PAQR7: variants seen among roughly 807,000 people sequenced by gnomAD.
PAQR7 encodes the protein progestin and adipoQ receptor family member 7, also known as membrane progestin receptor alpha.
A neutral mutation model predicts 24.6 loss-of-function variants in PAQR7; 14 were observed. The ratio of observed to expected loss-of-function variants is 0.57; its 90% CI spans 0.38 to 0.89. PAQR7 has a LOEUF of 0.89. Ranked by LOEUF, PAQR7 falls within the 40% of genes least tolerant of loss-of-function variation. PAQR7 has a pLI of 0.00. For missense variants in PAQR7, 351 were observed against 444.0 expected, an observed-to-expected ratio of 0.79 and a Z score of 1.88; for synonymous variants, 189 against 198.8, an observed-to-expected ratio of 0.95 and a Z score of 0.42.
intron 2 of PAQR7, among the ~76,000 whole-genome samples, chr1:25,866,002 GAAAA>G (rs1233637870): frequency 5.5e-5 from 8 of 146,108 alleles, no homozygotes; most frequent in Admixed American, 1.4e-4. Flanking sequence ...AAAAAAAAAA[GAAAA>G]AGAAAGAACA....
Position 25,862,602 on chromosome 1 carries a change from G to T in PAQR7, c.*197C>A. On this transcript the variant is annotated 3_prime_UTR_variant, in exon 3 of 3. Transcript: ENST00000675840. ...TGGGCAAGGAGCTGGGGCAGGCCCAGGAGTGGACCCCAGCAACTCCTAGCC... is the reference window on the plus strand; with the variant it reads ...TGGGCAAGGAGCTGGGGCAGGCCCATGAGTGGACCCCAGCAACTCCTAGCC... The T allele has an allele frequency of 1.6e-6, 1 of 632,340 alleles. No homozygotes were observed. The allele number at this position is 632,340 out of a possible 1,614,324, so 39.2% of individuals were successfully genotyped here.
intron 2 of PAQR7, among the ~76,000 whole-genome samples, chr1:25,864,822 CTTGAT>C (rs1557464053): frequency 2.0e-5 from 3 of 151,786 alleles, no homozygotes. Context: ...TACTCTCAAG[CTTGAT>C]CAAGCTTGAT....
chr1:25,866,237 C>A (rs1255985121), intron 2 of PAQR7, among the ~76,000 whole-genome samples: 1 of 152,068 alleles, frequency 6.6e-6, no homozygotes, highest in East Asian at 1.9e-4. Flanking sequence ...CTCCTACTAC[C>A]CTTATTCCCC....
Position 25,862,121 on chromosome 1 carries a change from GATAA to G in PAQR7, c.*674_*677del, listed in dbSNP as rs1229010387. ...GCAGAGGCCCAGGAAACACTGAATG[GATAA>G]ATGAATCCGTAACAAGGGAACCAGG... On this transcript the variant is annotated 3_prime_UTR_variant, in exon 3 of 3. Transcript: ENST00000675840. 1 of 150,710 alleles carries G rather than the reference GATAA, an allele frequency of 6.6e-6. No individual in the cohort carries two copies. The highest frequency in any genetic ancestry group is 1.5e-5 in the Non-Finnish European group (1 of 67,918). 9.3% of individuals were successfully genotyped at this position (150,710 alleles called of 1,614,324 possible).
chr1:25,867,964 C>T (rs2048571541), intron 2 of PAQR7, among the ~76,000 whole-genome samples: 2 of 152,362 alleles, frequency 1.3e-5, no homozygotes, highest in South Asian at 4.1e-4. Flanking sequence ...ATTTAGGAAG[C>T]AGACATTGCT....
At chr1:25,872,722 GCTGGTCTCGAACTC>G (rs1368557769) in intron 1 of PAQR7, among the ~76,000 whole-genome samples, 2 of 149,758 alleles carry the variant, frequency 1.3e-5, no homozygotes, top group Non-Finnish European at 3.0e-5. Flanking sequence ...TGTTGCCCAG[GCTGGTCTCGAACTC>G]CTGGTCTCAA....
chr1:25,870,461 T>G (rs2048594711), intron 2 of PAQR7, 148 bp downstream of exon 2: 1 of 152,094 alleles, frequency 6.6e-6, no homozygotes. Context: ...ACACCTCTCC[T>G]CCCCAACTTC....
At chr1:25,864,280 C>T (rs112385001) in intron 2 of PAQR7, among the ~76,000 whole-genome samples, 1 of 152,160 alleles carries the variant, frequency 6.6e-6, no homozygotes, top group South Asian at 2.1e-4. Flanking sequence ...TAGTGTTCAA[C>T]TGGTGGCAAT....
In PAQR7 at chr1:25,863,690, GC is replaced by G. The variant is rs1465985590; in HGVS notation, c.149del (p.Gly50AlafsTer24). On this transcript the variant is annotated frameshift_variant, in exon 3 of 3. Coordinates refer to ENST00000675840, the MANE Select transcript of PAQR7 (RefSeq NM_178422.6). LOFTEE classifies it high-confidence loss of function. This position sits in a 1 kb window ranked among gnomAD's most constrained non-coding sequence, Gnocchi z 6.1. ...PLFWKPYIYA[G>X]YRPLHQTWRF... ...GCCAGGTCTGATGCAGCGGCCGGTA[GC>G]CCGCATAGATGTACGGCTTCCAGAA... is the stretch of plus-strand genomic sequence containing the variant. 1 of 1,614,074 alleles carries G rather than the reference GC, an allele frequency of 6.2e-7. No homozygotes were observed. Among genetic ancestry groups the G allele is most frequent in the Non-Finnish European group, 8.5e-7 (1 of 1,180,058 alleles).
chr1:25,870,275 C>G (rs2048592262), intron 2 of PAQR7, among the ~76,000 whole-genome samples: 1 of 152,190 alleles, frequency 6.6e-6, no homozygotes. Context: ...GCAAATTGCA[C>G]TGGGTACCTG....
chr1:25,871,828 G>T (rs1437905966), intron 1 of PAQR7, among the ~76,000 whole-genome samples: 5 of 152,158 alleles, frequency 3.3e-5, no homozygotes, highest in Non-Finnish European at 7.3e-5. Flanking sequence ...TCTGTGTGCT[G>T]GGGCACACAG....
chr1:25,873,915 C>T (rs2124203375), intron 1 of PAQR7, among the ~76,000 whole-genome samples: 1 of 152,210 alleles, frequency 6.6e-6, no homozygotes, highest in East Asian at 1.9e-4. Context: ...CAAAGTTTCA[C>T]TCTTGTTGCC....
At chr1:25,872,919 T>C (rs2048616890) in intron 1 of PAQR7, among the ~76,000 whole-genome samples, 1 of 152,204 alleles carries the variant, frequency 6.6e-6, no homozygotes, top group Non-Finnish European at 1.5e-5. Flanking sequence ...TTTGCCTCCT[T>C]CTTGGCATGC....
intron 2 of PAQR7, among the ~76,000 whole-genome samples, chr1:25,864,156 C>T (rs983529973): frequency 4.6e-5 from 7 of 152,114 alleles, no homozygotes; most frequent in African/African-American, 1.2e-4. Flanking sequence ...ATTTCCTTTC[C>T]GGTCCCAGGC....
chr1:25,869,169 C>G (rs2048582827), intron 2 of PAQR7, among the ~76,000 whole-genome samples: 1 of 152,010 alleles, frequency 6.6e-6, no homozygotes, highest in Non-Finnish European at 1.5e-5. Context: ...AAAGTGTTTA[C>G]TATATGCCCA....
At chr1:25,867,882 C>T (rs2048570838) in intron 2 of PAQR7, among the ~76,000 whole-genome samples, 1 of 152,234 alleles carries the variant, frequency 6.6e-6, no homozygotes, top group Admixed American at 6.5e-5. Flanking sequence ...CACTGCTGCA[C>T]AGGGGCTGCT....
At chr1:25,869,789 T>C (rs1014942924) in intron 2 of PAQR7, among the ~76,000 whole-genome samples, 1 of 152,138 alleles carries the variant, frequency 6.6e-6, no homozygotes, top group Non-Finnish European at 1.5e-5. Flanking sequence ...TTTCTTAGGC[T>C]TCTAGCAATT....
At chr1:25,873,834 G>A (rs1340707459) in intron 1 of PAQR7, among the ~76,000 whole-genome samples, 2 of 152,138 alleles carry the variant, frequency 1.3e-5, no homozygotes, top group Non-Finnish European at 2.9e-5. Flanking sequence ...GCCTCTCAAA[G>A]TGCTGGGGTT....
intron 1 of PAQR7, among the ~76,000 whole-genome samples, chr1:25,874,513 T>C (rs573400312): frequency 1.3e-5 from 2 of 152,254 alleles, no homozygotes; most frequent in Admixed American, 6.5e-5. Flanking sequence ...AGGAACCCTC[T>C]GGACAGAGAA....
Sources: allele counts gnomAD v4.1 joint callset (sites outside exome capture counted in the v4.1 genomes callset), GRCh38; gene constraint gnomAD v4.1.1; non-coding constraint Gnocchi (gnomAD v3.1); transcripts MANE v1.5; gene names NCBI Gene and HGNC (gene_info 2026-07-23, HGNC 2026-07-21).